Variants in FGGY observed in about 807,000 individuals in gnomAD.
FGGY encodes FGGY carbohydrate kinase domain-containing protein.
FGGY carries 72 observed loss-of-function variants against 71.3 expected under a neutral mutation model. The ratio of observed to expected loss-of-function variants is 1.01; its 90% CI spans 0.84 to 1.23. The LOEUF (loss-of-function observed/expected upper bound fraction) is 1.23. Ranked by LOEUF, FGGY falls within the 50% of genes most tolerant of loss-of-function variation. The pLI is 0.00. For missense variants in FGGY, 668 were observed against 682.3 expected, an observed-to-expected ratio of 0.98 and a Z score of 0.23; for synonymous variants, 251 against 250.3, an observed-to-expected ratio of 1.00 and a Z score of -0.02.
chr1:59,631,185 C>A, intron 10 of FGGY, among the ~76,000 whole-genome samples: 1 of 152,136 alleles, frequency 6.6e-6, no homozygotes, highest in African/African-American at 2.4e-5. Context: ...ATCTCTGATT[C>A]CTCCTTCCTA....
chr1:59,735,774 G>T (rs1027044821), intron 14 of FGGY, among the ~76,000 whole-genome samples: 3 of 152,178 alleles, frequency 2.0e-5, no homozygotes, highest in African/African-American at 7.2e-5. Flanking sequence ...CTGTACTATA[G>T]AAAAATAAAT....
Position 59,738,229 on chromosome 1 carries a change from A to G in FGGY, c.1513-19702A>G, listed in dbSNP as rs555297680. Among the ~76,000 whole-genome samples, 3 of 152,368 alleles carry G rather than the reference A, an allele frequency of 2.0e-5. No individual in the cohort carries two copies. The South Asian group carries it at 6.2e-4, about 32-fold the overall frequency. On this transcript the variant is annotated intron_variant, in intron 14 of 15. Transcript: ENST00000303721. The stretch of plus-strand genomic sequence containing the variant: ...ACAAAGAAGCAGCTCTCCAGGGAAC[A>G]GGGTAAGGATTGTCTGAAGAGATCT...
chr1:59,368,154 T>C (rs1000794180), intron 4 of FGGY, among the ~76,000 whole-genome samples: 84 of 152,168 alleles, frequency 5.5e-4, no homozygotes, highest in African/African-American at 2.0e-3. Context: ...GAGATACATC[T>C]GAAATTGGTG....
chr1:59,537,478 A>C lies in FGGY; in HGVS notation c.800-16646A>C, dbSNP rs1275613247. 2.6e-5 allele frequency among the ~76,000 whole-genome samples: 4 copies of C among 152,224 alleles called. No individual in the cohort carries two copies. In the East Asian group the frequency reaches 7.7e-4, roughly 29 times the overall value. ...CATCAAGCTACCAATGACTTTCTTC[A>C]CAGAATTGGAAAAAACTACTTTAAA... On this transcript the variant is annotated intron_variant, in intron 7 of 15. Coordinates refer to ENST00000303721, the MANE Select transcript of FGGY (RefSeq NM_018291.5).
chr1:59,491,699 T>G (rs2093870102), intron 6 of FGGY, among the ~76,000 whole-genome samples: 1 of 152,080 alleles, frequency 6.6e-6, no homozygotes, highest in South Asian at 2.1e-4. Context: ...TGTTCTTTTT[T>G]TTTTTTCTTG....
Position 59,447,895 on chromosome 1 carries a change from G to A in FGGY, c.555-9066G>A, listed in dbSNP as rs181769063. Among the ~76,000 whole-genome samples the A allele has an allele frequency of 1.1e-4, 16 of 152,264 alleles. No individual in the cohort carries two copies. In the East Asian group the frequency reaches 1.7e-3, roughly 17 times the overall value. Reference sequence around the variant, plus strand: ...CATTGGACCTTAGTACTTTTCTTCCGTAGTGTGGGAGAAGTAGTACCCTGG... The same window carrying A: ...CATTGGACCTTAGTACTTTTCTTCCATAGTGTGGGAGAAGTAGTACCCTGG... On this transcript the variant is annotated intron_variant, in intron 5 of 15. Coordinates refer to ENST00000303721, the MANE Select transcript of FGGY (RefSeq NM_018291.5).
chr1:59,585,781 G>T (rs190713860), intron 8 of FGGY, among the ~76,000 whole-genome samples: 1 of 152,090 alleles, frequency 6.6e-6, no homozygotes. Flanking sequence ...TCTGACAAAG[G>T]GCTAATATCC....
chr1:59,368,821 G>A (rs2057025528), intron 4 of FGGY, among the ~76,000 whole-genome samples: 1 of 152,146 alleles, frequency 6.6e-6, no homozygotes, highest in Admixed American at 6.5e-5. Context: ...GCTGGGCATG[G>A]TGGCTCACGC....
intron 2 of FGGY, among the ~76,000 whole-genome samples, chr1:59,332,686 T>C (rs904600100): frequency 6.6e-6 from 1 of 152,208 alleles, no homozygotes; most frequent in Admixed American, 6.5e-5. Flanking sequence ...GCCATGATTG[T>C]AATATTGAGC....
chr1:59,655,034 C>T (rs1422246432), intron 11 of FGGY, among the ~76,000 whole-genome samples: 1 of 152,108 alleles, frequency 6.6e-6, no homozygotes, highest in East Asian at 1.9e-4. Context: ...GTACCTTTAA[C>T]ATTATGGTCC....
Position 59,626,031 on chromosome 1 carries a change from A to C in FGGY, c.1055A>C (p.Gln352Pro). 1 of 1,613,500 alleles carries C rather than the reference A, an allele frequency of 6.2e-7. No homozygotes were observed. The highest frequency in any genetic ancestry group is 8.5e-7 in the Non-Finnish European group (1 of 1,179,646). ...VQGHAAFPEL[Q>P]VKATARCQSI... ...GGCCATGCTGCTTTTCCAGAACTACAAGTAAAGGCCACAGCCAGGTAACTG... is the reference window on the plus strand; with the variant it reads ...GGCCATGCTGCTTTTCCAGAACTACCAGTAAAGGCCACAGCCAGGTAACTG... The change falls in exon 10 of 16, where the codon CAA (glutamine) becomes CCA (proline). Residue 352 changes from glutamine to proline, a missense_variant. Coordinates refer to ENST00000303721, the MANE Select transcript of FGGY (RefSeq NM_018291.5).
At chr1:59,705,389 T>C (rs949143716) in intron 14 of FGGY, among the ~76,000 whole-genome samples, 7 of 152,184 alleles carry the variant, frequency 4.6e-5, no homozygotes, top group Admixed American at 1.3e-4. Context: ...AAGAGTAAAC[T>C]TTTATGTGCC....
At chr1:59,675,259 T>G (rs4447001) in intron 14 of FGGY, among the ~76,000 whole-genome samples, 110,942 of 151,984 alleles carry the variant, frequency 0.73, 41,470 homozygotes, top group East Asian at 0.84. Context: ...AGTAGCTCAG[T>G]AATTAGAGCT....
chr1:59,678,159 A>G (rs1220352202), intron 14 of FGGY, among the ~76,000 whole-genome samples: 2 of 152,184 alleles, frequency 1.3e-5, no homozygotes, highest in Non-Finnish European at 2.9e-5. Flanking sequence ...AAAATATGGA[A>G]TCAAGCCACA....
At chr1:59,353,615 G>A (rs2053715401) in intron 4 of FGGY, among the ~76,000 whole-genome samples, 1 of 152,132 alleles carries the variant, frequency 6.6e-6, no homozygotes, top group African/African-American at 2.4e-5. Flanking sequence ...TGTTTCCCTT[G>A]ACATTTACCA....
chr1:59,430,510 T>C (rs1052854029), intron 5 of FGGY, among the ~76,000 whole-genome samples: 5 of 152,310 alleles, frequency 3.3e-5, no homozygotes, highest in African/African-American at 4.8e-5. Flanking sequence ...TTGGGTCCAA[T>C]TGGATTTTTT....
intron 1 of FGGY, among the ~76,000 whole-genome samples, chr1:59,301,622 G>A (rs967722511): frequency 6.7e-6 from 1 of 148,858 alleles, no homozygotes; most frequent in Admixed American, 6.7e-5. Context: ...AAGTTTCATT[G>A]TATTCCTACT....
intron 6 of FGGY, among the ~76,000 whole-genome samples, chr1:59,469,764 C>G (rs947907293): frequency 6.6e-6 from 1 of 152,112 alleles, no homozygotes; most frequent in African/African-American, 2.4e-5. Context: ...TCCACCCTCC[C>G]AAAGGACCCA....
At chr1:59,611,101 A>G (rs1203881226) in intron 9 of FGGY, among the ~76,000 whole-genome samples, 7 of 152,228 alleles carry the variant, frequency 4.6e-5, no homozygotes, top group Non-Finnish European at 8.8e-5. Context: ...GCATAGCTGA[A>G]CAAAAGGCAG....
Sources: allele counts gnomAD v4.1 joint callset (sites outside exome capture counted in the v4.1 genomes callset), GRCh38; gene constraint gnomAD v4.1.1; transcripts MANE v1.5; gene names NCBI Gene and HGNC (gene_info 2026-07-23, HGNC 2026-07-21).